PIN4: variants seen among roughly 807,000 people sequenced by gnomAD.
PIN4 encodes peptidylprolyl cis/trans isomerase, NIMA-interacting 4.
Under a neutral mutation model 8.3 loss-of-function variants are expected in PIN4, and 3 were observed. That is an observed-to-expected ratio of 0.36 (90% CI 0.16 to 0.93). The LOEUF (loss-of-function observed/expected upper bound fraction) is 0.93. PIN4 is among the 40% of genes least tolerant of loss of function. PIN4 has a pLI of 0.44. For synonymous variants in PIN4, 18 were observed against 32.5 expected (o/e 0.55, Z 1.52); for missense variants, 75 against 100.6 (o/e 0.75, Z 1.09).
At position 72,218,128 on chromosome X, in the gene PIN4, G is replaced by A. The variant is rs1470863596; in HGVS notation, c.312+21224G>A. 2.7e-5 allele frequency among the ~76,000 whole-genome samples: 3 copies of A among 109,703 alleles called. No homozygotes were observed. The Admixed American group carries it at 2.9e-4, about 11-fold the overall frequency. On this transcript the variant is annotated intron_variant, in intron 3 of 3. Coordinates refer to the PIN4 transcript ENST00000423432. The stretch of plus-strand genomic sequence containing the variant: ...TACTAAAAATACAAAAAATTAGCTG[G>A]GCATGGTGGTGGGCGCCTGTAGTCC...
intron 3 of PIN4, among the ~76,000 whole-genome samples, chrX:72,212,965 G>C (rs1253713983): frequency 8.9e-6 from 1 of 111,992 alleles, no homozygotes; most frequent in Non-Finnish European, 1.9e-5. Context: ...AGAATGTGAA[G>C]AGACAGAGAA....
At chrX:72,208,822 A>G (rs1215569797) in intron 3 of PIN4, 1 of 554,009 alleles carries the variant, frequency 1.8e-6, no homozygotes, top group Non-Finnish European at 2.8e-6. Context: ...TCAGGATGGG[A>G]AAGATTAGCA....
chrX:72,191,311 G>T (rs145376172), intron 2 of PIN4, among the ~76,000 whole-genome samples: 2,880 of 111,122 alleles, frequency 0.026, 114 homozygotes, highest in African/African-American at 0.088. Context: ...AGCACTTTGG[G>T]AGCCCGAGGT....
intron 2 of PIN4, among the ~76,000 whole-genome samples, chrX:72,191,945 TTTTTTGTTTTTG>T (rs60476296): frequency 9.1e-6 from 1 of 110,055 alleles, no homozygotes; most frequent in African/African-American, 3.3e-5. Context: ...ATTCGTGGGT[TTTTTTGTTTTTG>T]TTTTTGTTTT....
exon 4 of PIN4, chrX:72,262,835 A>T: frequency 2.7e-6 from 2 of 750,482 alleles, no homozygotes; most frequent in Non-Finnish European, 3.9e-6. Flanking sequence ...CATCTATTCA[A>T]TGTTGATTCT....
chrX:72,239,361 C>T (rs1317341379), intron 3 of PIN4, among the ~76,000 whole-genome samples: 1 of 112,735 alleles, frequency 8.9e-6, no homozygotes, highest in African/African-American at 3.2e-5. Flanking sequence ...CGTCCCCCAA[C>T]CATACCCTGC....
At chrX:72,254,325 C>T (rs2147617421) in intron 3 of PIN4, among the ~76,000 whole-genome samples, 2 of 111,819 alleles carry the variant, frequency 1.8e-5, no homozygotes, top group East Asian at 5.6e-4. Context: ...CAGAAATCAG[C>T]CATCTCTCCT....
In PIN4 at chrX:72,185,160, A is replaced by AAAAAAAAAC. The variant is rs1556391316; in HGVS notation, c.44-1295_44-1294insAACAAAAAA. 2.3e-4 allele frequency among the ~76,000 whole-genome samples: 24 copies of AAAAAAAAAC among 104,290 alleles called. 1 individual carries two copies. Among genetic ancestry groups the AAAAAAAAAC allele is most frequent in the Admixed American group, 8.5e-4 (8 of 9,436 alleles). The allele number at this position is 104,290 out of a possible 115,157, so 90.6% of individuals were successfully genotyped here. A position where few individuals can be genotyped will look rare whatever the true frequency, so the allele number is the denominator to read the frequency against. ...GAGACTCCGTCTCAAAAAAAAAAAA[A>AAAAAAAAAC]AAAAAACAACTTTTCAATGGCTCCC... On this transcript the variant is annotated intron_variant, in intron 1 of 3. Transcript: ENST00000373669.
At chrX:72,213,109 T>C (rs1296353297) in intron 3 of PIN4, among the ~76,000 whole-genome samples, 1 of 112,257 alleles carries the variant, frequency 8.9e-6, no homozygotes, top group Non-Finnish European at 1.9e-5. Context: ...GACCTGCTAA[T>C]CTCGGCGCAT....
chrX:72,185,282 G>A (rs768258450), intron 1 of PIN4, among the ~76,000 whole-genome samples: 64 of 110,334 alleles, frequency 5.8e-4, no homozygotes, highest in Non-Finnish European at 9.5e-4. Flanking sequence ...TCATCTGAGT[G>A]CACTCCCACC....
At chrX:72,256,573 C>G (rs1007134675) in intron 3 of PIN4, among the ~76,000 whole-genome samples, 6 of 111,661 alleles carry the variant, frequency 5.4e-5, no homozygotes, top group African/African-American at 1.3e-4. Flanking sequence ...GAAACACTCT[C>G]ACGACCCACC....
rs148196023 is a variant in PIN4, at chrX:72,241,061, A to T, written c.313-21646A>T. Among the ~76,000 whole-genome samples, 1,011 of 110,975 alleles carry T rather than the reference A, an allele frequency of 9.1e-3. 11 individuals are homozygous for T. The highest frequency in any genetic ancestry group is 0.031 in the African/African-American group (960 of 30,496). On this transcript the variant is annotated intron_variant, in intron 3 of 3. Coordinates refer to the PIN4 transcript ENST00000423432. Reference sequence around the variant, plus strand: ...TTCGCTGTGTCACACTGGAAAGAAGAGGGCAGTGGCGGGAAATGAGGTTGA... The same window carrying T: ...TTCGCTGTGTCACACTGGAAAGAAGTGGGCAGTGGCGGGAAATGAGGTTGA...
At chrX:72,194,670 C>T (rs1373466546) in intron 2 of PIN4, among the ~76,000 whole-genome samples, 1 of 98,054 alleles carries the variant, frequency 1.0e-5, no homozygotes. Context: ...TCATTGCACT[C>T]CAGCCTGGGC....
In PIN4 at chrX:72,186,494, A is replaced by G. The variant is rs754347273; in HGVS notation, c.77A>G (p.Lys26Arg). The G allele has an allele frequency of 5.8e-6, 7 of 1,201,089 alleles. No individual in the cohort carries two copies. The East Asian group carries it at 1.2e-4, about 20-fold the overall frequency. The change falls in exon 2 of 4, where the codon AAG becomes AGG. Residue 26 changes from lysine (K) to arginine (R), a missense_variant. By Grantham distance (26) the Lys-to-Arg change is conservative. Transcript: ENST00000373669. ...GCCTCTGGGAGTGACAGTGCTGACA[A>G]GAAGGCTCAAGGTCCCAAAGGTGGT... ...GAASGSDSAD[K>R]KAQGPKGGGN... is the part of the protein sequence containing the mutation.
At chrX:72,213,700 G>A (rs983149307) in intron 3 of PIN4, among the ~76,000 whole-genome samples, 2 of 112,147 alleles carry the variant, frequency 1.8e-5, no homozygotes, top group African/African-American at 3.2e-5. Context: ...AAGTGCCCGG[G>A]TTCGTCCTAA....
At chrX:72,211,731 C>T (rs1402391587) in intron 3 of PIN4, among the ~76,000 whole-genome samples, 1 of 110,356 alleles carries the variant, frequency 9.1e-6, no homozygotes, top group Non-Finnish European at 1.9e-5. Context: ...CTGCAGTGAG[C>T]CATGATCGCA....
chrX:72,196,320 G>T (rs984277932), intron 2 of PIN4, among the ~76,000 whole-genome samples: 1 of 110,633 alleles, frequency 9.0e-6, no homozygotes, highest in Non-Finnish European at 1.9e-5. Flanking sequence ...TGGATCACGA[G>T]GTCAGGAGTT....
chrX:72,246,291 C>A (rs746086108), intron 3 of PIN4, among the ~76,000 whole-genome samples: 5 of 111,346 alleles, frequency 4.5e-5, no homozygotes, highest in Non-Finnish European at 9.4e-5. Context: ...AAAATACATC[C>A]CAAATCCAAT....
chrX:72,206,225 A>G (rs768969578), intron 3 of PIN4: 2 of 1,210,809 alleles, frequency 1.7e-6, no homozygotes, highest in South Asian at 1.8e-5. Context: ...CCCTCTTGTA[A>G]TGTCTCTTTT....
Sources: gnomAD v4.1 joint callset for allele counts (sites outside exome capture counted in the v4.1 genomes callset) on GRCh38, gnomAD v4.1.1 for gene constraint, MANE v1.5 for transcripts, NCBI Gene and HGNC (gene_info 2026-07-23, HGNC 2026-07-21) for gene names.